The following CSGALNACT1 variants were observed in gnomAD, a reference collection of about 807,000 sequenced individuals.
The protein encoded by CSGALNACT1 is chondroitin sulfate N-acetylgalactosaminyltransferase 1, also known as beta4GalNAcT-1.
Under a neutral mutation model 51.0 loss-of-function variants are expected in CSGALNACT1, and 52 were observed. The observed-to-expected ratio is 1.02, with a 90% confidence interval of 0.82 to 1.29. The LOEUF (loss-of-function observed/expected upper bound fraction) is 1.29, where lower values mean the gene tolerates loss of function less well. Ranked by LOEUF, CSGALNACT1 falls within the 50% of genes most tolerant of loss-of-function variation. CSGALNACT1 has a pLI of 0.00. For missense variants in CSGALNACT1, 935 were observed against 679.2 expected (o/e 1.38, Z -4.19); for synonymous variants, 341 against 254.4 (o/e 1.34, Z -3.24).
exon 10 of CSGALNACT1, chr8:19,404,622 A>ATT (rs746903152): frequency 9.9e-5 from 43 of 434,162 alleles, no homozygotes; most frequent in African/African-American, 7.8e-4. Context: ...ATATATATAT[A>ATT]TTTTTTTCTC....
In CSGALNACT1 at chr8:19,590,640, C is replaced by CTTTTTTTTTTTTTTTTT. The variant is rs34859554; in HGVS notation, c.-297+503_-297+519dup. ...TACTCATAGCTGGTGGACCTAACTA[C>CTTTTTTTTTTTTTTTTT]TTTTTTTTTTTTTTTTTTTTTTTTT... is the stretch of plus-strand genomic sequence containing the variant. On this transcript the variant is annotated intron_variant, in intron 3 of 9. Transcript: ENST00000454498. 4.8e-4 allele frequency among the ~76,000 whole-genome samples: 33 copies of CTTTTTTTTTTTTTTTTT among 68,982 alleles called. 3 individuals are homozygous for CTTTTTTTTTTTTTTTTT. Among genetic ancestry groups the CTTTTTTTTTTTTTTTTT allele is most frequent in the African/African-American group, 1.6e-3 (30 of 18,186 alleles). 45.3% of individuals were successfully genotyped at this position (68,982 alleles called of 152,430 possible).
chr8:19,654,866 A>T (rs1356136982), intron 1 of CSGALNACT1, among the ~76,000 whole-genome samples: 1 of 152,130 alleles, frequency 6.6e-6, no homozygotes, highest in Non-Finnish European at 1.5e-5. Context: ...AATTTTTTAA[A>T]GTAAAATTTT....
intron 1 of CSGALNACT1, among the ~76,000 whole-genome samples, chr8:19,699,873 G>A (rs1327978770): frequency 6.6e-6 from 1 of 152,144 alleles, no homozygotes; most frequent in African/African-American, 2.4e-5. Context: ...CCCTCTGGGA[G>A]GCCGAAGAGG....
rs778289223 is a variant in CSGALNACT1, at chr8:19,445,480, C to T, written c.852-5549G>A. 9.9e-5 allele frequency among the ~76,000 whole-genome samples: 15 copies of T among 152,262 alleles called. No homozygotes were observed. In the South Asian group the frequency reaches 1.2e-3, roughly 13 times the overall value. Reference sequence around the variant, plus strand: ...AGACAGATGCTGTGACTAGGTGAGGCGTCTTAAAAAAGGCAAAGTAGAATT... The same window carrying T: ...AGACAGATGCTGTGACTAGGTGAGGTGTCTTAAAAAAGGCAAAGTAGAATT... On this transcript the variant is annotated intron_variant, in intron 5 of 9. Transcript: ENST00000454498.
chr8:19,440,986 A>C lies in CSGALNACT1; in HGVS notation c.852-1055T>G, dbSNP rs191579527. On this transcript the variant is annotated intron_variant, in intron 5 of 9. Transcript: ENST00000454498. ...AGTCACAATTGCTTCAAAGAGAATA[A>C]AATACCTAGGAATCCAACTTACAAG... is the stretch of plus-strand genomic sequence containing the variant. 3.3e-5 allele frequency among the ~76,000 whole-genome samples: 5 copies of C among 152,344 alleles called. No individual in the cohort carries two copies. In the East Asian group the frequency reaches 5.8e-4, roughly 18 times the overall value.
chr8:19,603,065 C>A, upstream of CSGALNACT1, among the ~76,000 whole-genome samples: 1 of 147,762 alleles, frequency 6.8e-6, no homozygotes, highest in Non-Finnish European at 1.5e-5. Context: ...CACACACACA[C>A]ACACACACAC....
intron 1 of CSGALNACT1, among the ~76,000 whole-genome samples, chr8:19,622,285 A>T (rs1318926176): frequency 6.6e-6 from 1 of 152,182 alleles, no homozygotes; most frequent in East Asian, 1.9e-4. Flanking sequence ...CCATGTTTGA[A>T]GGTTGAGATG....
At chr8:19,620,017 A>G (rs1012056573) in intron 1 of CSGALNACT1, among the ~76,000 whole-genome samples, 2 of 152,150 alleles carry the variant, frequency 1.3e-5, no homozygotes, top group African/African-American at 4.8e-5. Context: ...GGAAACTTCT[A>G]TAAGAAGAAA....
At chr8:19,727,482 T>A (rs1165894342) in intron 1 of CSGALNACT1, among the ~76,000 whole-genome samples, 1 of 151,850 alleles carries the variant, frequency 6.6e-6, no homozygotes, top group Non-Finnish European at 1.5e-5. Context: ...CCCAAGCAGC[T>A]GAGACTACAG....
intron 3 of CSGALNACT1, among the ~76,000 whole-genome samples, chr8:19,581,534 G>C (rs754731904): frequency 9.2e-5 from 14 of 152,168 alleles, no homozygotes; most frequent in Non-Finnish European, 1.6e-4. Flanking sequence ...TTGAACCAGG[G>C]AGTCGGAGGT....
At chr8:19,410,939 C>T (rs1042048035) in intron 8 of CSGALNACT1, among the ~76,000 whole-genome samples, 8 of 152,194 alleles carry the variant, frequency 5.3e-5, no homozygotes, top group African/African-American at 1.7e-4. Flanking sequence ...AGCAGTCTGG[C>T]GGGAGTGTGT....
intron 8 of CSGALNACT1, among the ~76,000 whole-genome samples, chr8:19,416,431 A>G (rs534145636): frequency 1.3e-5 from 2 of 152,192 alleles, no homozygotes; most frequent in African/African-American, 4.8e-5. Context: ...CTTTTAAAAA[A>G]TAAGTTTAGT....
intron 1 of CSGALNACT1, among the ~76,000 whole-genome samples, chr8:19,737,495 T>C (rs772215312): frequency 9.9e-5 from 15 of 152,148 alleles, no homozygotes; most frequent in Middle Eastern, 3.2e-3. Context: ...TGGTTAATTG[T>C]AGACTTTGTT....
chr8:19,567,380 G>A (rs943500080), intron 3 of CSGALNACT1, among the ~76,000 whole-genome samples: 1 of 152,214 alleles, frequency 6.6e-6, no homozygotes, highest in African/African-American at 2.4e-5. Flanking sequence ...TTATGTTAAT[G>A]AGAGTGAGTC....
chr8:19,547,704 A>C (rs571112523), intron 3 of CSGALNACT1, among the ~76,000 whole-genome samples: 9 of 152,364 alleles, frequency 5.9e-5, no homozygotes, highest in African/African-American at 2.2e-4. Context: ...ATACCGTAGA[A>C]TACAATAAAG....
chr8:19,670,045 C>A (rs2059671441), intron 1 of CSGALNACT1, among the ~76,000 whole-genome samples: 1 of 152,136 alleles, frequency 6.6e-6, no homozygotes, highest in Admixed American at 6.5e-5. Context: ...CTCCTACCTA[C>A]CAAAATTCCT....
chr8:19,639,724 C>G (rs1167250006), intron 1 of CSGALNACT1, among the ~76,000 whole-genome samples: 1 of 152,084 alleles, frequency 6.6e-6, no homozygotes, highest in African/African-American at 2.4e-5. Context: ...CTTAATCAGG[C>G]CATCCACAAC....
chr8:19,485,429 C>T (rs1016504206), intron 4 of CSGALNACT1, among the ~76,000 whole-genome samples: 2 of 152,194 alleles, frequency 1.3e-5, no homozygotes, highest in African/African-American at 4.8e-5. Flanking sequence ...CAACAGACCC[C>T]GTCTTGGCCA....
chr8:19,741,357 G>A (rs1029902642), intron 1 of CSGALNACT1, among the ~76,000 whole-genome samples: 2 of 152,126 alleles, frequency 1.3e-5, no homozygotes, highest in Non-Finnish European at 2.9e-5. Context: ...GAGGTCAGGA[G>A]TTTGAGACCA....
Sources: gnomAD v4.1 joint callset for allele counts (sites outside exome capture counted in the v4.1 genomes callset) on GRCh38, gnomAD v4.1.1 for gene constraint, MANE v1.5 for transcripts, NCBI Gene and HGNC (gene_info 2026-07-23, HGNC 2026-07-21) for gene names.